Variants in NEO1 observed in about 807,000 individuals in gnomAD.
The protein encoded by NEO1 is neogenin 1, also known as neogenin.
NEO1 carries 63 observed loss-of-function variants against 159.7 expected under a neutral mutation model. That is an observed-to-expected ratio of 0.39 (90% confidence interval 0.32 to 0.49). The LOEUF is 0.49. NEO1 is among the 20% of genes least tolerant of loss of function. The pLI is 0.85. For synonymous variants in NEO1, 633 were observed against 662.0 expected, an observed-to-expected ratio of 0.96 and a Z score of 0.67; for missense variants, 1,615 against 1,831.0, an observed-to-expected ratio of 0.88 and a Z score of 2.15.
chr15:73,111,370 A>G (rs905152913), intron 1 of NEO1, among the ~76,000 whole-genome samples: 5 of 152,136 alleles, frequency 3.3e-5, no homozygotes, highest in Admixed American at 1.3e-4. Context: ...TGTGCAGACG[A>G]TATGTGTGTA....
At chr15:73,130,304 T>TCCTG (rs2030923143) in intron 4 of NEO1, among the ~76,000 whole-genome samples, 1 of 116,618 alleles carries the variant, frequency 8.6e-6, no homozygotes, top group Non-Finnish European at 2.1e-5. Flanking sequence ...GGGCTCAGTT[T>TCCTG]CCCGCCCCCC....
intron 11 of NEO1, 80 bp from the exon 12 acceptor site, chr15:73,253,320 A>C: frequency 1.3e-6 from 1 of 782,186 alleles, no homozygotes; most frequent in East Asian, 2.7e-5. Flanking sequence ...ATTTGTTTAA[A>C]GTCCAGCCAA....
chr15:73,293,554 A>G lies in NEO1; in HGVS notation c.3901+6A>G, dbSNP rs755867494. The G allele has an allele frequency of 1.7e-5, 27 of 1,613,420 alleles. No individual in the cohort carries two copies. The highest frequency in any genetic ancestry group is 2.3e-5 in the Non-Finnish European group (27 of 1,179,568). On this transcript the variant is annotated splice_donor_region_variant and intron_variant, in intron 26 of 28. Transcript: ENST00000261908. ...AGACAGGGCCAATTCCACAGGTGAG[A>G]GATGAGGATCAAGCCCAGATGGAAA...
At chr15:73,152,408 T>C (rs957409708) in intron 5 of NEO1, among the ~76,000 whole-genome samples, 2 of 152,224 alleles carry the variant, frequency 1.3e-5, no homozygotes, top group Non-Finnish European at 2.9e-5. Flanking sequence ...AGAGAGCTTC[T>C]GGATAGCTGA....
At chr15:73,131,332 A>G (rs2031100331) in intron 4 of NEO1, among the ~76,000 whole-genome samples, 1 of 152,260 alleles carries the variant, frequency 6.6e-6, no homozygotes, top group South Asian at 2.1e-4. Flanking sequence ...CAAATGAAAA[A>G]GTAGAAATCT....
chr15:73,123,322 C>T (rs1225981089), intron 3 of NEO1, among the ~76,000 whole-genome samples: 1 of 152,168 alleles, frequency 6.6e-6, no homozygotes, highest in Non-Finnish European at 1.5e-5. Context: ...TATTCACTGT[C>T]TAATGGTATT....
At chr15:73,108,724 T>C (rs1162995236) in intron 1 of NEO1, among the ~76,000 whole-genome samples, 1 of 152,186 alleles carries the variant, frequency 6.6e-6, no homozygotes, top group Middle Eastern at 3.2e-3. Context: ...CTAGGATCTC[T>C]TCAGAAATAG....
intron 5 of NEO1, among the ~76,000 whole-genome samples, chr15:73,142,420 CTTAAAA>C (rs1049816243): frequency 2.0e-5 from 3 of 152,090 alleles, no homozygotes; most frequent in African/African-American, 7.2e-5. Context: ...AATTAAAGTT[CTTAAAA>C]TTAAGGAAGT....
intron 7 of NEO1, among the ~76,000 whole-genome samples, chr15:73,203,604 C>T: frequency 6.6e-6 from 1 of 152,110 alleles, no homozygotes. Flanking sequence ...CTTATCTCCT[C>T]TCTCAAAATT....
At chr15:73,176,071 G>A (rs974360182) in intron 5 of NEO1, among the ~76,000 whole-genome samples, 7 of 152,036 alleles carry the variant, frequency 4.6e-5, no homozygotes, top group African/African-American at 1.7e-4. Context: ...TTAAAAAATG[G>A]TATAAATCTT....
At chr15:73,137,702 G>T (rs1007729444) in intron 5 of NEO1, among the ~76,000 whole-genome samples, 1 of 152,180 alleles carries the variant, frequency 6.6e-6, no homozygotes, top group Non-Finnish European at 1.5e-5. Flanking sequence ...TCACCATGTT[G>T]CCCAGGCTGG....
chr15:73,221,675 G>T (rs1412221509), intron 7 of NEO1: 1 of 154,134 alleles, frequency 6.5e-6, no homozygotes, highest in African/African-American at 2.4e-5. Flanking sequence ...TTGCAGTTTG[G>T]TCTCAGACTG....
chr15:73,289,357 T>G, intron 25 of NEO1, 119 bp downstream of exon 25: 2 of 847,034 alleles, frequency 2.4e-6, no homozygotes, highest in South Asian at 1.5e-5. Context: ...CTACCAAAGC[T>G]TTGACACCTT....
chr15:73,259,079 A>G, intron 14 of NEO1: 1 of 499,414 alleles, frequency 2.0e-6, no homozygotes, highest in Non-Finnish European at 3.6e-6. Context: ...CCTTTCAAGC[A>G]GAACTAGAGC....
At chr15:73,248,005 G>A (rs1171074948) in intron 9 of NEO1, among the ~76,000 whole-genome samples, 1 of 152,072 alleles carries the variant, frequency 6.6e-6, no homozygotes, top group East Asian at 1.9e-4. Context: ...GCAAGTACTC[G>A]ACTCCTGGGT....
intron 7 of NEO1, among the ~76,000 whole-genome samples, chr15:73,212,530 A>G (rs1467908446): frequency 1.3e-5 from 2 of 152,188 alleles, no homozygotes; most frequent in Non-Finnish European, 1.5e-5. Context: ...GGACCCAGAA[A>G]TGTATTCGAC....
chr15:73,239,480 G>A (rs1381256269), intron 8 of NEO1, among the ~76,000 whole-genome samples: 2 of 152,072 alleles, frequency 1.3e-5, no homozygotes, highest in South Asian at 2.1e-4. Context: ...ATATACAATC[G>A]TGCATCACAT....
chr15:73,255,258 T>A (rs1242283565), intron 13 of NEO1: 1 of 154,842 alleles, frequency 6.5e-6, no homozygotes, highest in Non-Finnish European at 1.4e-5. Flanking sequence ...TGTGAATAGC[T>A]GCATCATTGC....
At chr15:73,253,593 C>A in intron 12 of NEO1, 144 bp downstream of exon 12, 1 of 507,212 alleles carries the variant, frequency 2.0e-6, no homozygotes, top group Non-Finnish European at 3.4e-6. Flanking sequence ...AATACCAAAC[C>A]TATAAATTAG....
Sources: gnomAD v4.1 joint callset for allele counts (sites outside exome capture counted in the v4.1 genomes callset) on GRCh38, gnomAD v4.1.1 for gene constraint, MANE v1.5 for transcripts, NCBI Gene and HGNC (gene_info 2026-07-23, HGNC 2026-07-21) for gene names.